Variants in CD6 observed in about 807,000 individuals in gnomAD.
The protein encoded by CD6 is T-cell differentiation antigen CD6.
CD6 carries 53 observed loss-of-function variants against 75.3 expected under a neutral mutation model. That is an observed-to-expected ratio of 0.70 (90% CI 0.56 to 0.88). CD6 has a LOEUF of 0.88. CD6 is among the 40% of genes least tolerant of loss of function. The pLI is 0.00. For synonymous variants in CD6, 359 were observed against 381.5 expected (o/e 0.94, Z 0.69); for missense variants, 770 against 897.1 (o/e 0.86, Z 1.81).
In CD6 at chr11:61,007,431, A is replaced by C; in HGVS notation, c.119-129A>C. The C allele has an allele frequency of 5.8e-6, 4 of 689,154 alleles. No homozygotes were observed. The highest frequency in any genetic ancestry group is 8.7e-6 in the Non-Finnish European group (4 of 459,968). 42.7% of individuals were successfully genotyped at this position (689,154 alleles called of 1,614,324 possible). On this transcript the variant is annotated intron_variant, in intron 2 of 12. Transcript: ENST00000313421. The surrounding 1 kb of genome is among the most constrained non-coding windows in gnomAD (Gnocchi z 4.2). ...ATGAGCCAGCCCGGCTCCATTTTGCAGACTGGAAAGCTGAGACCCCTAGCC... is the reference window on the plus strand; with the variant it reads ...ATGAGCCAGCCCGGCTCCATTTTGCCGACTGGAAAGCTGAGACCCCTAGCC...
At position 61,006,529 on chromosome 11, in the gene CD6, G is replaced by A. The variant is rs1218000376; in HGVS notation, c.50-45G>A. ...CATCAGGGTGTCTCTGTGGTCTCCA[G>A]GCCTGAGCTCACTCACCCACCATGC... On this transcript the variant is annotated intron_variant, in intron 1 of 12. Coordinates refer to ENST00000313421, the MANE Select transcript of CD6 (RefSeq NM_006725.5). The A allele has an allele frequency of 2.6e-6, 4 of 1,516,062 alleles. No individual in the cohort carries two copies. In the South Asian group the frequency reaches 4.8e-5, roughly 18 times the overall value. The allele number at this position is 1,516,062 out of a possible 1,614,324, so 93.9% of individuals were successfully genotyped here.
intron 1 of CD6, among the ~76,000 whole-genome samples, chr11:60,973,462 T>C (rs746411119): frequency 1.3e-5 from 2 of 152,258 alleles, no homozygotes; most frequent in African/African-American, 4.8e-5. Flanking sequence ...TGATATTTAC[T>C]TGACTCACTT....
At chr11:60,990,848 A>G (rs1275387978) in intron 1 of CD6, among the ~76,000 whole-genome samples, 1 of 86,760 alleles carries the variant, frequency 1.2e-5, no homozygotes, top group Non-Finnish European at 2.8e-5. Context: ...CCTTGTTTTC[A>G]AAATCTAACC....
At chr11:60,983,571 T>G (rs1857673017) in intron 1 of CD6, among the ~76,000 whole-genome samples, 1 of 152,106 alleles carries the variant, frequency 6.6e-6, no homozygotes, top group Admixed American at 6.5e-5. Context: ...CCCCCTAAAC[T>G]GTTTGAGAGA....
In CD6 at chr11:61,020,030, G is replaced by A. The variant is rs1182774938; in HGVS notation, c.*712G>A. On this transcript the variant is annotated 3_prime_UTR_variant, in exon 13 of 13. Transcript: ENST00000313421. Reference sequence around the variant, plus strand: ...CAGGGGCACAGACCAGTTCTGCAGTGACTGTCCCTGGACAATGGGTCTTTA... The same window carrying A: ...CAGGGGCACAGACCAGTTCTGCAGTAACTGTCCCTGGACAATGGGTCTTTA... 2 of 397,384 alleles carry A rather than the reference G, an allele frequency of 5.0e-6. No homozygotes were observed. The highest frequency in any genetic ancestry group is 8.9e-6 in the Non-Finnish European group (2 of 225,922). The allele number at this position is 397,384 out of a possible 1,614,324, so 24.6% of individuals were successfully genotyped here.
At chr11:60,973,777 G>A (rs1301974446) in intron 1 of CD6, among the ~76,000 whole-genome samples, 2 of 152,292 alleles carry the variant, frequency 1.3e-5, no homozygotes, top group East Asian at 3.9e-4. Flanking sequence ...TCCTCACTCT[G>A]CGATTTCAGA....
chr11:60,981,016 C>G (rs940021517), intron 1 of CD6, among the ~76,000 whole-genome samples: 1 of 151,912 alleles, frequency 6.6e-6, no homozygotes, highest in African/African-American at 2.4e-5. Context: ...GAGGTCCAGG[C>G]TCTTTTCTGC....
chr11:61,011,206 C>A, intron 6 of CD6, 71 bp downstream of exon 6: 1 of 321,928 alleles, frequency 3.1e-6, no homozygotes, highest in Non-Finnish European at 4.4e-6. Flanking sequence ...TGTGTGTGTT[C>A]CTGTGCACAC....
chr11:60,972,852 T>A (rs1011318169), intron 1 of CD6, among the ~76,000 whole-genome samples: 1 of 151,912 alleles, frequency 6.6e-6, no homozygotes, highest in Admixed American at 6.6e-5. Flanking sequence ...GGGCAGGGAG[T>A]GCTCTCCTCT....
At chr11:60,978,721 G>A (rs1226499435) in intron 1 of CD6, among the ~76,000 whole-genome samples, 1 of 152,120 alleles carries the variant, frequency 6.6e-6, no homozygotes, top group African/African-American at 2.4e-5. Flanking sequence ...AACCCCAGCC[G>A]GCATCCTGTC....
intron 3 of CD6, 91 bp from the exon 4 acceptor site, chr11:61,008,443 C>A: frequency 7.9e-7 from 1 of 1,264,824 alleles, no homozygotes. Context: ...GTCCACAACA[C>A]GCTCACAACT....
At chr11:61,006,682 C>G (rs1232227640) in intron 2 of CD6, 40 bp downstream of exon 2, 1 of 1,518,966 alleles carries the variant, frequency 6.6e-7, no homozygotes. Flanking sequence ...GATCAGCTTT[C>G]TGTAGGTGGT....
rs1187695524 is a variant in CD6, at chr11:61,007,573, G to C, written c.132G>C (p.Pro44=). Residue 44 remains proline, a synonymous_variant, in exon 3 of 13, where the codon CCG becomes CCC. Transcript: ENST00000313421. The surrounding 1 kb of genome is among the most constrained non-coding windows in gnomAD (Gnocchi z 4.2). ...TGACACTTCCAGGGGAGCGGCTTCC[G>C]GTCCGTCTGACAAACGGGAGCAGCA... The part of the protein sequence containing the change: ...SELWEPGERL[P]VRLTNGSSSC... The C allele has an allele frequency of 6.7e-7, 1 of 1,500,336 alleles. No individual in the cohort carries two copies. The highest frequency in any genetic ancestry group is 8.9e-7 in the Non-Finnish European group (1 of 1,124,306). 92.9% of individuals were successfully genotyped at this position (1,500,336 alleles called of 1,614,324 possible). A position where few individuals can be genotyped will look rare whatever the true frequency, so the allele number is the denominator to read the frequency against.
intron 1 of CD6, among the ~76,000 whole-genome samples, chr11:61,003,137 G>A (rs1206029132): frequency 6.6e-6 from 1 of 152,014 alleles, no homozygotes; most frequent in African/African-American, 2.4e-5. Context: ...ACTAATTTTT[G>A]TATTTGTAGT....
At chr11:61,002,686 G>A (rs1858640917) in intron 1 of CD6, among the ~76,000 whole-genome samples, 1 of 152,238 alleles carries the variant, frequency 6.6e-6, no homozygotes, top group Non-Finnish European at 1.5e-5. Context: ...GTACCACAGA[G>A]TGAGTAATTT....
intron 1 of CD6, among the ~76,000 whole-genome samples, chr11:60,979,177 T>C (rs1276865389): frequency 6.6e-6 from 1 of 152,226 alleles, no homozygotes; most frequent in East Asian, 1.9e-4. Flanking sequence ...CTGTGGGCTC[T>C]ATTCTAGCAT....
intron 1 of CD6, among the ~76,000 whole-genome samples, chr11:61,004,163 C>T (rs1262902856): frequency 1.3e-5 from 2 of 152,068 alleles, no homozygotes; most frequent in East Asian, 3.8e-4. Context: ...CTAAAGCCCC[C>T]CTGCCCCACA....
intron 1 of CD6, 28 bp downstream of exon 1, chr11:60,971,942 A>G (rs1206118467): frequency 1.9e-6 from 3 of 1,609,156 alleles, no homozygotes; most frequent in Non-Finnish European, 2.6e-6. Context: ...ATCTCCTGCC[A>G]CTGGTGCTGG....
chr11:60,977,775 G>A (rs77613436), intron 1 of CD6, among the ~76,000 whole-genome samples: 11,609 of 152,102 alleles, frequency 0.076, 616 homozygotes, highest in Non-Finnish European at 0.12. Flanking sequence ...GATTACAGGC[G>A]CCTGACACCA....
Sources: allele counts gnomAD v4.1 joint callset (sites outside exome capture counted in the v4.1 genomes callset), GRCh38; gene constraint gnomAD v4.1.1; non-coding constraint Gnocchi (gnomAD v3.1); transcripts MANE v1.5; gene names NCBI Gene and HGNC (gene_info 2026-07-23, HGNC 2026-07-21).